The following ZC3H12B variants were observed in gnomAD, a reference collection of about 807,000 sequenced individuals.
ZC3H12B encodes the protein probable ribonuclease ZC3H12B.
A neutral mutation model predicts 43.9 loss-of-function variants in ZC3H12B; 7 were observed. The ratio of observed to expected loss-of-function variants is 0.16; its 90% CI spans 0.09 to 0.30. The LOEUF is 0.30. Among genes scored for constraint, ZC3H12B ranks in the 10% least tolerant of loss-of-function variants. ZC3H12B has a pLI of 1.00. For synonymous variants in ZC3H12B, 222 were observed against 241.7 expected (o/e 0.92, Z 0.76); for missense variants, 475 against 670.2 (o/e 0.71, Z 3.22).
At chrX:65,244,066 A>C in the ZC3H12B span, among the ~76,000 whole-genome samples, 1 of 111,640 alleles carries the variant, frequency 9.0e-6, no homozygotes, top group Non-Finnish European at 1.9e-5. Flanking sequence ...GCACAATAGC[A>C]TGACTATAGT....
At chrX:65,319,617 CA>C in the ZC3H12B span, among the ~76,000 whole-genome samples, 1 of 110,753 alleles carries the variant, frequency 9.0e-6, no homozygotes, top group Non-Finnish European at 1.9e-5. Flanking sequence ...GAGACACACA[CA>C]AAAAAAGGAA....
intron 3 of ZC3H12B, among the ~76,000 whole-genome samples, chrX:65,431,981 C>T (rs979521988): frequency 4.5e-5 from 5 of 111,934 alleles, no homozygotes; most frequent in Non-Finnish European, 9.4e-5. Flanking sequence ...TCATGAAGAA[C>T]CATCTGTAAT....
At chrX:65,130,490 G>C in the ZC3H12B span, among the ~76,000 whole-genome samples, 49 of 109,141 alleles carry the variant, frequency 4.5e-4, no homozygotes, top group African/African-American at 1.6e-3. Flanking sequence ...GCCAGTCCTG[G>C]GCAGGGGCAA....
the ZC3H12B span, among the ~76,000 whole-genome samples, chrX:65,276,248 G>A: frequency 2.7e-5 from 3 of 111,552 alleles, no homozygotes; most frequent in Admixed American, 2.9e-4. Context: ...TTCAGAAAGA[G>A]AAGGGAAAAG....
the ZC3H12B span, among the ~76,000 whole-genome samples, chrX:65,219,596 C>G: frequency 9.9e-5 from 11 of 110,880 alleles, no homozygotes; most frequent in South Asian, 3.8e-4. Flanking sequence ...TAACCCAGTC[C>G]AACAAAGACA....
At chrX:65,390,980 C>G (rs1285169966) in intron 2 of ZC3H12B, among the ~76,000 whole-genome samples, 5 of 111,832 alleles carry the variant, frequency 4.5e-5, no homozygotes, top group Non-Finnish European at 5.6e-5. Flanking sequence ...AACTATAATA[C>G]AATAAAATTC....
chrX:65,104,955 G>A, the ZC3H12B span, among the ~76,000 whole-genome samples: 3 of 111,678 alleles, frequency 2.7e-5, no homozygotes, highest in African/African-American at 6.5e-5. Flanking sequence ...ACATGCACAC[G>A]TATATTTATT....
chrX:65,207,459 G>A, the ZC3H12B span, among the ~76,000 whole-genome samples: 1 of 110,787 alleles, frequency 9.0e-6, no homozygotes, highest in Non-Finnish European at 1.9e-5. Flanking sequence ...TAAGAATGAT[G>A]ACAATGCACT....
chrX:65,413,409 G>A (rs1199424464), intron 3 of ZC3H12B, among the ~76,000 whole-genome samples: 1 of 111,816 alleles, frequency 8.9e-6, no homozygotes, highest in African/African-American at 3.2e-5. Context: ...TCTTCTAAGA[G>A]TTTTATGGTT....
At chrX:65,212,546 A>G in the ZC3H12B span, among the ~76,000 whole-genome samples, 1 of 76,988 alleles carries the variant, frequency 1.3e-5, no homozygotes, top group African/African-American at 5.2e-5. Flanking sequence ...ATGTATATTT[A>G]TATATTATAT....
the ZC3H12B span, among the ~76,000 whole-genome samples, chrX:65,154,432 C>T: frequency 9.0e-6 from 1 of 111,515 alleles, no homozygotes; most frequent in Non-Finnish European, 1.9e-5. Flanking sequence ...TCCCCCCTTC[C>T]ATCTTGTTAC....
At chrX:65,374,040 A>C (rs2066304487) in intron 2 of ZC3H12B, among the ~76,000 whole-genome samples, 1 of 59,266 alleles carries the variant, frequency 1.7e-5, no homozygotes, top group South Asian at 9.5e-4. Context: ...ATAACTATAT[A>C]TACAGTATAT....
intron 2 of ZC3H12B, among the ~76,000 whole-genome samples, chrX:65,371,536 T>C (rs1187439319): frequency 1.8e-5 from 2 of 111,844 alleles, no homozygotes; most frequent in African/African-American, 3.2e-5. Flanking sequence ...CTGTTATTTA[T>C]GTATGCTAAA....
the ZC3H12B span, among the ~76,000 whole-genome samples, chrX:65,075,315 TC>T: frequency 8.9e-6 from 1 of 112,562 alleles, no homozygotes. Context: ...AAAAGAAGTT[TC>T]TTGGTCAGAC....
chrX:65,384,538 A>C (rs1259703520), intron 2 of ZC3H12B, among the ~76,000 whole-genome samples: 1 of 111,574 alleles, frequency 9.0e-6, no homozygotes, highest in African/African-American at 3.3e-5. Flanking sequence ...TTTTTTAAAA[A>C]GGAAAAAAAA....
chrX:65,113,577 A>C, the ZC3H12B span, among the ~76,000 whole-genome samples: 2 of 109,579 alleles, frequency 1.8e-5, no homozygotes, highest in Admixed American at 2.0e-4. Flanking sequence ...AAAAAAAAAA[A>C]TGCTATCTAA....
At chrX:65,460,172 A>G (rs967490154) in intron 3 of ZC3H12B, among the ~76,000 whole-genome samples, 30 of 111,879 alleles carry the variant, frequency 2.7e-4, no homozygotes, top group African/African-American at 8.5e-4. Context: ...GACCTCTTCA[A>G]GGAGAACTAT....
At chrX:65,235,309 C>T in the ZC3H12B span, among the ~76,000 whole-genome samples, 1 of 112,075 alleles carries the variant, frequency 8.9e-6, no homozygotes, top group South Asian at 3.7e-4. Flanking sequence ...ACACTCCAAC[C>T]AACAGTGTAA....
chrX:65,240,287 C>G, the ZC3H12B span, among the ~76,000 whole-genome samples: 1 of 110,878 alleles, frequency 9.0e-6, no homozygotes, highest in South Asian at 3.8e-4. Context: ...TTTTTTTTCC[C>G]TTTTTGTTTT....
Sources: gnomAD v4.1 joint callset for allele counts (sites outside exome capture counted in the v4.1 genomes callset) on GRCh38, gnomAD v4.1.1 for gene constraint, MANE v1.5 for transcripts, NCBI Gene and HGNC (gene_info 2026-07-23, HGNC 2026-07-21) for gene names.